The following MIA2 variants were observed in gnomAD, a reference collection of about 807,000 sequenced individuals.
MIA2 encodes melanoma inhibitory activity protein 2.
MIA2 carries 127 observed loss-of-function variants against 167.8 expected under a neutral mutation model. That is an observed-to-expected ratio of 0.76 (90% CI 0.66 to 0.88). The LOEUF (loss-of-function observed/expected upper bound fraction) is 0.88, where lower values mean the gene tolerates loss of function less well. Ranked by LOEUF, MIA2 falls within the 40% of genes least tolerant of loss-of-function variation. The pLI, the probability that MIA2 is intolerant of heterozygous loss-of-function variation, is 0.00. For missense variants in MIA2, 1,690 were observed against 1,624.7 expected (o/e 1.04, Z -0.69); for synonymous variants, 552 against 541.9 (o/e 1.02, Z -0.26).
intron 23 of MIA2, chr14:39,385,549 A>G (rs775095751): frequency 2.4e-6 from 2 of 827,774 alleles, no homozygotes; most frequent in South Asian, 1.3e-5. Flanking sequence ...AACCAAATCA[A>G]ATTTCCCAGG....
intron 9 of MIA2, among the ~76,000 whole-genome samples, chr14:39,285,651 C>T (rs1373390999): frequency 6.9e-5 from 9 of 130,750 alleles, no homozygotes; most frequent in African/African-American, 1.5e-4. Context: ...GGTGGCTGGC[C>T]GGGCTGGGGC....
chr14:39,269,098 T>C, intron 6 of MIA2: 1 of 883,176 alleles, frequency 1.1e-6, no homozygotes, highest in Non-Finnish European at 1.3e-6. Flanking sequence ...TTTTTTTTTT[T>C]TGCTAAATGC....
At chr14:39,302,329 T>C (rs1357462537) in intron 15 of MIA2, 80 bp downstream of exon 15, 18 of 1,496,634 alleles carry the variant, frequency 1.2e-5, no homozygotes, top group Admixed American at 1.8e-5. Context: ...GTGTGCACCA[T>C]GTTCTTTATA....
intron 17 of MIA2, 150 bp downstream of exon 17, chr14:39,304,531 G>A (rs2063024829): frequency 2.1e-6 from 1 of 465,128 alleles, no homozygotes; most frequent in South Asian, 4.2e-5. Flanking sequence ...TGAAACATTA[G>A]TCCTGGTTTT....
downstream of MIA2, among the ~76,000 whole-genome samples, chr14:39,354,920 A>G (rs1004626467): frequency 5.3e-5 from 8 of 151,814 alleles, no homozygotes; most frequent in African/African-American, 9.7e-5. Flanking sequence ...ATTGATCTAT[A>G]TCTCTGTTTT....
At position 39,343,557 on chromosome 14, in the gene MIA2, T is replaced by C. The variant is rs1344427811; in HGVS notation, c.3656-2347T>C. Among the ~76,000 whole-genome samples the C allele has an allele frequency of 2.6e-5, 4 of 152,256 alleles. No individual in the cohort carries two copies. In the East Asian group the frequency reaches 5.8e-4, roughly 22 times the overall value. On this transcript the variant is annotated intron_variant, in intron 25 of 28. Coordinates refer to ENST00000640607, the MANE Select transcript of MIA2 (RefSeq NM_001329214.4). ...TAATTCTTAGTTTGCAAAACTGCTT[T>C]AGAATGCCCAGTACACTTATTCCCA...
At chr14:39,358,770 A>T (rs1006169279) in intron 23 of MIA2, among the ~76,000 whole-genome samples, 1 of 152,198 alleles carries the variant, frequency 6.6e-6, no homozygotes, top group African/African-American at 2.4e-5. Context: ...TCCTTCTAAC[A>T]GTCAGGATCC....
At chr14:39,286,865 CTGTGTGTGTGTGTG>C (rs34075444) in intron 9 of MIA2, among the ~76,000 whole-genome samples, 4 of 142,064 alleles carry the variant, frequency 2.8e-5, no homozygotes, top group African/African-American at 5.2e-5. Flanking sequence ...GGCTATTTTT[CTGTGTGTGTGTGTG>C]TGTGTGTGTG....
chr14:39,316,132 A>G (rs1224808887), intron 21 of MIA2, among the ~76,000 whole-genome samples: 1 of 152,212 alleles, frequency 6.6e-6, no homozygotes, highest in East Asian at 1.9e-4. Context: ...AAGTCATAAA[A>G]TTCAGTTACC....
chr14:39,324,112 T>A (rs2066988416), intron 24 of MIA2, among the ~76,000 whole-genome samples: 1 of 152,248 alleles, frequency 6.6e-6, no homozygotes, highest in Non-Finnish European at 1.5e-5. Flanking sequence ...AAATTGTATG[T>A]AACTGGGTTT....
At chr14:39,347,556 C>G in intron 26 of MIA2, 157 bp from the exon 27 acceptor site, 1 of 651,840 alleles carries the variant, frequency 1.5e-6, no homozygotes. Context: ...TTCTAGGGAC[C>G]TCAAGCTGTT....
chr14:39,352,224 CT>C (rs1293001247), downstream of MIA2, among the ~76,000 whole-genome samples: 2 of 133,208 alleles, frequency 1.5e-5, no homozygotes, highest in African/African-American at 5.6e-5. Flanking sequence ...TGGTTGAATA[CT>C]TTCATCATGG....
intron 23 of MIA2, among the ~76,000 whole-genome samples, chr14:39,384,690 C>G (rs2075237572): frequency 1.3e-5 from 2 of 152,136 alleles, no homozygotes; most frequent in South Asian, 4.1e-4. Context: ...CAGCCAGGTG[C>G]CTGGCAAGAT....
At chr14:39,246,343 C>G (rs1485017591) in intron 3 of MIA2, among the ~76,000 whole-genome samples, 3 of 151,954 alleles carry the variant, frequency 2.0e-5, no homozygotes, top group Non-Finnish European at 4.4e-5. Context: ...GCAATCCACC[C>G]GCCTGAGCCT....
In MIA2 at chr14:39,247,807, T is replaced by C. The variant is rs1206761935; in HGVS notation, c.1233T>C (p.His411=). Residue 411 remains histidine, a synonymous_variant, in exon 4 of 29, where the codon CAT becomes CAC. Coordinates refer to ENST00000640607, the MANE Select transcript of MIA2 (RefSeq NM_001329214.4). ...KNEEDGGADE[H]EHPLTSELDP... The stretch of plus-strand genomic sequence containing the variant: ...AAGAAGATGGTGGGGCAGATGAACA[T>C]GAACATCCTCTAACAAGTGAATTAG... The C allele has an allele frequency of 1.2e-6, 2 of 1,610,322 alleles. No homozygotes were observed. Among genetic ancestry groups the C allele is most frequent in the South Asian group, 2.2e-5 (2 of 89,822 alleles).
chr14:39,347,742 A>T lies in MIA2; in HGVS notation c.3808A>T (p.Ser1270Cys), dbSNP rs1420479989. ...GTCAATGCCTTCAGAAATGGAATCC[A>T]GTAGAAATGATACCAAAGATGATCT... ...DGSMPSEMESSRNDTKDDLGN... is the reference protein window; with the variant it reads ...DGSMPSEMESCRNDTKDDLGN... The change falls in exon 27 of 29, where the codon AGT (serine) becomes TGT (cysteine). Residue 1270 changes from serine to cysteine, a missense_variant. By Grantham distance (112) the Ser-to-Cys change is moderately radical. Transcript: ENST00000640607. 2.5e-6 allele frequency: 4 copies of T among 1,612,282 alleles called. No individual in the cohort carries two copies. The highest frequency in any genetic ancestry group is 3.4e-6 in the Non-Finnish European group (4 of 1,179,208).
Position 39,248,114 on chromosome 14 carries a change from A to G in MIA2, c.1540A>G (p.Ile514Val), listed in dbSNP as rs777789588. The change falls in exon 4 of 29, where the codon ATA becomes GTA. Residue 514 changes from isoleucine to valine, a missense_variant. Coordinates refer to ENST00000640607, the MANE Select transcript of MIA2 (RefSeq NM_001329214.4). ...TCCCACAGATAATACAAAAGTTATG[A>G]TATTCAAAAGTTCATACAGTCTGTC... ...NYPTDNTKVM[I>V]FKSSYSLSDM... The G allele has an allele frequency of 7.9e-6, 12 of 1,519,470 alleles. No homozygotes were observed. The South Asian group carries it at 1.5e-4, about 19-fold the overall frequency. The allele number at this position is 1,519,470 out of a possible 1,614,324, so 94.1% of individuals were successfully genotyped here.
At chr14:39,310,702 G>C (rs2064096070) in intron 18 of MIA2, among the ~76,000 whole-genome samples, 1 of 152,204 alleles carries the variant, frequency 6.6e-6, no homozygotes, top group Non-Finnish European at 1.5e-5. Flanking sequence ...AACTGGTAGA[G>C]AGTACTAATG....
Position 39,346,000 on chromosome 14 carries a change from T to C in MIA2, c.3752T>C (p.Phe1251Ser). 2 of 1,612,770 alleles carry C rather than the reference T, an allele frequency of 1.2e-6. No homozygotes were observed. The highest frequency in any genetic ancestry group is 1.7e-6 in the Non-Finnish European group (2 of 1,178,994). The change falls in exon 26 of 29, where the codon TTT becomes TCT. Residue 1251 changes from phenylalanine (F) to serine (S), a missense_variant. Physicochemically the swap from Phe to Ser is radical, Grantham distance 155. Coordinates refer to ENST00000640607, the MANE Select transcript of MIA2 (RefSeq NM_001329214.4). ...TCTGGACCAGCAGAACTCAGAAGTT[T>C]TAATATGCCTTCTTTGGATAAAATG... ...RLSGPAELRS[F>S]NMPSLDKMDG...
Sources: allele counts gnomAD v4.1 joint callset (sites outside exome capture counted in the v4.1 genomes callset), GRCh38; gene constraint gnomAD v4.1.1; transcripts MANE v1.5; gene names NCBI Gene and HGNC (gene_info 2026-07-23, HGNC 2026-07-21).